ARAP1: variants seen among roughly 807,000 people sequenced by gnomAD.
ARAP1 encodes ArfGAP with RhoGAP domain, ankyrin repeat and PH domain 1, also known as arf-GAP with Rho-GAP domain, ANK repeat and PH domain-containing protein 1.
ARAP1 carries 76 observed loss-of-function variants against 172.2 expected under a neutral mutation model. The ratio of observed to expected loss-of-function variants is 0.44; its 90% CI spans 0.37 to 0.53. ARAP1 has a LOEUF of 0.53. ARAP1 is among the 20% of genes least tolerant of loss of function. ARAP1 has a pLI of 0.00. For missense variants in ARAP1, 1,686 were observed against 1,977.5 expected, an observed-to-expected ratio of 0.85 and a Z score of 2.80; for synonymous variants, 804 against 803.3, an observed-to-expected ratio of 1.00 and a Z score of -0.01.
chr11:72,689,725 C>T (rs1855857465), intron 30 of ARAP1, among the ~76,000 whole-genome samples: 1 of 152,220 alleles, frequency 6.6e-6, no homozygotes, highest in African/African-American at 2.4e-5. Flanking sequence ...ATTGGAAAGC[C>T]TCATGTCTTC....
intron 31 of ARAP1, 148 bp from the exon 32 acceptor site, chr11:72,687,886 C>T (rs1238083743): frequency 7.7e-6 from 7 of 907,852 alleles, no homozygotes; most frequent in Non-Finnish European, 1.2e-5. Context: ...CTGGCCTCTT[C>T]CTGTCTCAGC....
intron 1 of ARAP1, among the ~76,000 whole-genome samples, chr11:72,737,115 G>A (rs930106304): frequency 1.3e-5 from 2 of 152,146 alleles, no homozygotes; most frequent in Non-Finnish European, 2.9e-5. Context: ...CACTGCTTCT[G>A]CTCTCTCTTT....
chr11:72,745,922 T>C (rs973742437), intron 1 of ARAP1, among the ~76,000 whole-genome samples: 3 of 152,102 alleles, frequency 2.0e-5, no homozygotes, highest in African/African-American at 7.2e-5. Flanking sequence ...GGGAAACAGC[T>C]AGGGATGGTA....
chr11:72,697,833 T>TTCCA (rs1856283969), intron 19 of ARAP1, 78 bp downstream of exon 19: 1 of 1,490,400 alleles, frequency 6.7e-7, no homozygotes, highest in East Asian at 2.4e-5. Context: ...GAGTTCAGAT[T>TTCCA]TCCAGGCAAG....
chr11:72,720,204 C>T (rs1857452237), intron 3 of ARAP1, among the ~76,000 whole-genome samples: 1 of 152,174 alleles, frequency 6.6e-6, no homozygotes, highest in Non-Finnish European at 1.5e-5. Flanking sequence ...TGTGTCCCAC[C>T]CTGATGTCTC....
chr11:72,692,858 T>TG lies in ARAP1; in HGVS notation c.3955-74dup, dbSNP rs907065677. The TG allele has an allele frequency of 9.4e-6, 15 of 1,587,640 alleles. No individual in the cohort carries two copies. In the African/African-American group the frequency reaches 2.0e-4, roughly 21 times the overall value. On this transcript the variant is annotated intron_variant, in intron 29 of 34. Coordinates refer to ENST00000393609, the MANE Select transcript of ARAP1 (RefSeq NM_001040118.3). ...CCAGGACAGCATGTGCAGTGATGTG[T>TG]GGGGTTGGGGTGTGTGTATGGCATG... is the stretch of plus-strand genomic sequence containing the variant.
Position 72,707,297 on chromosome 11 carries a change from G to A in ARAP1, c.1601C>T (p.Thr534Ile). The A allele has an allele frequency of 6.2e-7, 1 of 1,613,772 alleles. No homozygotes were observed. The change falls in exon 12 of 35, where the codon ACC becomes ATC. Residue 534 changes from threonine to isoleucine, a missense_variant. Thr to Ile is a moderately conservative substitution (Grantham distance 89). Around this residue, in one of 5 missense-constraint regions of ARAP1, gnomAD observed 688 missense variants for 856.9 expected, o/e 0.80. Coordinates refer to ENST00000393609, the MANE Select transcript of ARAP1 (RefSeq NM_001040118.3). ...CCAGATGCGCTCGGCCACCTCCGAG[G>A]TAGACAGGGCCTCAGCGATGGCTCC... ...MQGAIAEALS[T>I]SEVAERIWAA...
intron 5 of ARAP1, 130 bp from the exon 6 acceptor site, chr11:72,712,698 C>A: frequency 6.9e-7 from 1 of 1,446,278 alleles, no homozygotes; most frequent in Non-Finnish European, 9.5e-7. Context: ...TCTGTTTCCT[C>A]ACACTCCCCT....
chr11:72,745,554 T>C (rs1479799344), intron 1 of ARAP1, among the ~76,000 whole-genome samples: 1 of 151,530 alleles, frequency 6.6e-6, no homozygotes, highest in African/African-American at 2.4e-5. Context: ...AGCTCACACA[T>C]CAAGGGGTGC....
chr11:72,721,995 C>T, intron 3 of ARAP1: 1 of 986,004 alleles, frequency 1.0e-6, no homozygotes, highest in Non-Finnish European at 1.2e-6. Flanking sequence ...CCCCTGGCCC[C>T]TGGGTGGGTC....
At position 72,726,821 on chromosome 11, in the gene ARAP1, G is replaced by A; in HGVS notation, c.308C>T (p.Pro103Leu). ...PVPATPPEPLPTTTEDEGLPA... is the reference protein window; with the variant it reads ...PVPATPPEPLLTTTEDEGLPA... ...GAGCCCCTCATCCTCTGTAGTGGTGGGCAGCGGCTCGGGTGGAGTGGCAGG... is the reference window on the plus strand; with the variant it reads ...GAGCCCCTCATCCTCTGTAGTGGTGAGCAGCGGCTCGGGTGGAGTGGCAGG... Residue 103 changes from proline (P) to leucine (L), a missense_variant, in exon 3 of 35, where the codon CCC becomes CTC. Around this residue, in one of 5 missense-constraint regions of ARAP1, gnomAD observed 190 missense variants for 228.6 expected, o/e 0.83. Transcript: ENST00000393609. This position sits in a 1 kb window ranked among gnomAD's most constrained non-coding sequence, Gnocchi z 6.5. 6.4e-7 allele frequency: 1 copy of A among 1,566,258 alleles called. No individual in the cohort carries two copies. The highest frequency in any genetic ancestry group is 8.7e-7 in the Non-Finnish European group (1 of 1,155,360).
chr11:72,723,183 T>C (rs1210444685), intron 3 of ARAP1, among the ~76,000 whole-genome samples: 1 of 151,884 alleles, frequency 6.6e-6, no homozygotes, highest in African/African-American at 2.4e-5. Flanking sequence ...TAGCACACAC[T>C]TGTAGTCCCA....
chr11:72,692,774 C>A lies in ARAP1; in HGVS notation c.3966G>T (p.Pro1322=). The A allele has an allele frequency of 6.2e-7, 1 of 1,613,646 alleles. No individual in the cohort carries two copies. The highest frequency in any genetic ancestry group is 8.5e-7 in the Non-Finnish European group (1 of 1,179,988). The change falls in exon 30 of 35, where the codon CCG becomes CCT. Residue 1322 remains proline, a synonymous_variant. Transcript: ENST00000393609. The part of the protein sequence containing the change: ...RLYKEVRSQR[P]WSGAPETSHR... ...TCACGGTCTCAGGGGCCCCGCTCCA[C>A]GGCCTCTGGCTCTGTTTGATAGAGG...
At position 72,693,527 on chromosome 11, in the gene ARAP1, TC is replaced by T. The variant is rs1479960203; in HGVS notation, c.3809-58del. On this transcript the variant is annotated intron_variant, in intron 28 of 34. Transcript: ENST00000393609. This position sits in a 1 kb window ranked among gnomAD's most constrained non-coding sequence, Gnocchi z 4.6. ...GCACCAACCCCTACCCGGGGCTGGG[TC>T]CCAGGATGAAGGAAGCTGCCCCATC... 5 of 1,577,792 alleles carry T rather than the reference TC, an allele frequency of 3.2e-6. 1 individual carries two copies. Among genetic ancestry groups the T allele is most frequent in the Admixed American group, 1.7e-5 (1 of 57,314 alleles).
chr11:72,722,195 G>A lies in ARAP1; in HGVS notation c.509+4425C>T, dbSNP rs1422141499. On this transcript the variant is annotated intron_variant, in intron 3 of 34. Coordinates refer to ENST00000393609, the MANE Select transcript of ARAP1 (RefSeq NM_001040118.3). ...AGAAAGACAGAGGGAGAGAGAGAGA[G>A]AGTGTGTGTGAGTGTGTGTGACTCT... The A allele has an allele frequency of 5.1e-6, 5 of 985,408 alleles. No individual in the cohort carries two copies. The African/African-American group carries it at 8.8e-5, about 17-fold the overall frequency. 61.0% of individuals were successfully genotyped at this position (985,408 alleles called of 1,614,324 possible). A position where few individuals can be genotyped will look rare whatever the true frequency, so the allele number is the denominator to read the frequency against.
At chr11:72,711,165 T>C (rs771099164) in intron 8 of ARAP1, 24 bp from the exon 9 acceptor site, 8 of 1,613,680 alleles carry the variant, frequency 5.0e-6, no homozygotes, top group Non-Finnish European at 8.5e-7. Context: ...AGGAACTATA[T>C]TTTGGGACCC....
At chr11:72,736,809 C>T (rs965393925) in intron 1 of ARAP1, among the ~76,000 whole-genome samples, 1 of 152,182 alleles carries the variant, frequency 6.6e-6, no homozygotes, top group South Asian at 2.1e-4. Flanking sequence ...CCAGCTCTGA[C>T]GTTTACAGAC....
chr11:72,728,612 C>G (rs1489856830), intron 2 of ARAP1, among the ~76,000 whole-genome samples: 1 of 152,016 alleles, frequency 6.6e-6, no homozygotes. Flanking sequence ...ACAAAAGAAA[C>G]AAACGAAAAT....
intron 4 of ARAP1, 97 bp from the exon 5 acceptor site, chr11:72,713,340 A>C: frequency 1.8e-6 from 2 of 1,137,058 alleles, no homozygotes; most frequent in Non-Finnish European, 2.6e-6. Context: ...CCATGCCAAG[A>C]CCCCCATCCC....
Sources: allele counts gnomAD v4.1 joint callset (sites outside exome capture counted in the v4.1 genomes callset), GRCh38; gene constraint gnomAD v4.1.1; regional missense constraint gnomAD v4.1.1; non-coding constraint Gnocchi (gnomAD v3.1); transcripts MANE v1.5; gene names NCBI Gene and HGNC (gene_info 2026-07-23, HGNC 2026-07-21).